Variants in PTPRD observed in about 807,000 individuals in gnomAD.
The protein encoded by PTPRD is protein tyrosine phosphatase receptor type D.
PTPRD carries 34 observed loss-of-function variants against 214.5 expected under a neutral mutation model. The ratio of observed to expected loss-of-function variants is 0.16; its 90% CI spans 0.12 to 0.21. PTPRD has a LOEUF of 0.21. Ranked by LOEUF, PTPRD falls within the 10% of genes least tolerant of loss-of-function variation. The pLI is 1.00. For synonymous variants in PTPRD, 1,128 were observed against 845.7 expected, an observed-to-expected ratio of 1.33 and a Z score of -5.79; for missense variants, 2,545 against 2,398.7, an observed-to-expected ratio of 1.06 and a Z score of -1.27.
chr9:9,980,364 T>C (rs991708820), intron 4 of PTPRD, among the ~76,000 whole-genome samples: 3 of 151,632 alleles, frequency 2.0e-5, no homozygotes, highest in Admixed American at 6.6e-5. Context: ...ATCCCAGGAA[T>C]TGGGAGGCCG....
At chr9:9,819,288 C>G (rs929059343) in intron 5 of PTPRD, among the ~76,000 whole-genome samples, 7 of 152,094 alleles carry the variant, frequency 4.6e-5, no homozygotes, top group Admixed American at 4.6e-4. Flanking sequence ...TATTACAGGT[C>G]TCTATAACTA....
rs539715449 is a variant in PTPRD, at chr9:9,460,165, C to T, written c.-236-62683G>A. On this transcript the variant is annotated intron_variant, in intron 8 of 45. Transcript: ENST00000381196. The stretch of plus-strand genomic sequence containing the variant: ...TATATGAAGAAAAGTGAAATGACCC[C>T]TATTTCTCACGATATAAAAACTAGC... 5.3e-5 allele frequency among the ~76,000 whole-genome samples: 8 copies of T among 152,052 alleles called. No homozygotes were observed. The East Asian group carries it at 1.4e-3, about 26-fold the overall frequency.
intron 30 of PTPRD, among the ~76,000 whole-genome samples, chr9:8,476,111 T>G (rs2096758976): frequency 6.6e-6 from 1 of 151,670 alleles, no homozygotes; most frequent in Non-Finnish European, 1.5e-5. Flanking sequence ...CCTAGTCCAG[T>G]GGTTCCGAGC....
chr9:9,232,164 C>G (rs962121196), intron 9 of PTPRD, among the ~76,000 whole-genome samples: 2 of 152,126 alleles, frequency 1.3e-5, no homozygotes, highest in Non-Finnish European at 2.9e-5. Context: ...AAACTAAATT[C>G]TTTAGCACTT....
At chr9:10,354,795 T>C (rs1421629678) in intron 2 of PTPRD, among the ~76,000 whole-genome samples, 1 of 152,182 alleles carries the variant, frequency 6.6e-6, no homozygotes, top group African/African-American at 2.4e-5. Context: ...GGGAAATGCA[T>C]CTGACAGTTC....
intron 14 of PTPRD, among the ~76,000 whole-genome samples, chr9:8,600,167 C>A (rs1002238387): frequency 6.6e-6 from 1 of 152,146 alleles, no homozygotes; most frequent in Non-Finnish European, 1.5e-5. Flanking sequence ...GAAAGCAGAA[C>A]CAGGCTGTAT....
chr9:10,189,821 G>T (rs537515794), intron 3 of PTPRD, among the ~76,000 whole-genome samples: 1 of 152,124 alleles, frequency 6.6e-6, no homozygotes, highest in East Asian at 1.9e-4. Flanking sequence ...CTCAAAGAAG[G>T]AGTAGGAGTT....
intron 35 of PTPRD, among the ~76,000 whole-genome samples, chr9:8,432,911 G>C (rs2095148573): frequency 6.6e-6 from 1 of 152,324 alleles, no homozygotes; most frequent in East Asian, 1.9e-4. Flanking sequence ...GCTGTGCATA[G>C]CAGCATTGCC....
chr9:8,561,057 C>A (rs2086073476), intron 14 of PTPRD, among the ~76,000 whole-genome samples: 1 of 152,100 alleles, frequency 6.6e-6, no homozygotes, highest in South Asian at 2.1e-4. Context: ...AGCCTGAAAG[C>A]CAAGCTAAAA....
At chr9:9,736,450 G>A (rs1596344060) in intron 6 of PTPRD, among the ~76,000 whole-genome samples, 1 of 152,076 alleles carries the variant, frequency 6.6e-6, no homozygotes, top group East Asian at 1.9e-4. Context: ...CAGATATGTG[G>A]ATTGTTTCCA....
intron 2 of PTPRD, among the ~76,000 whole-genome samples, chr9:10,541,596 CATT>C (rs1400357128): frequency 6.6e-6 from 1 of 151,428 alleles, no homozygotes; most frequent in Non-Finnish European, 1.5e-5. Context: ...AGTTAGTTAC[CATT>C]ATTACATATT....
At chr9:8,718,191 G>C (rs2098456492) in intron 12 of PTPRD, among the ~76,000 whole-genome samples, 1 of 152,140 alleles carries the variant, frequency 6.6e-6, no homozygotes, top group Non-Finnish European at 1.5e-5. Flanking sequence ...ATTTGTCAAA[G>C]CTTTCTTCAG....
intron 10 of PTPRD, among the ~76,000 whole-genome samples, chr9:9,053,906 A>G (rs938426675): frequency 6.6e-5 from 10 of 152,204 alleles, no homozygotes; most frequent in Non-Finnish European, 1.5e-4. Flanking sequence ...CAATTTTCAA[A>G]AAGAACATGA....
intron 39 of PTPRD, among the ~76,000 whole-genome samples, chr9:8,364,414 T>C (rs1237646075): frequency 1.3e-5 from 2 of 152,216 alleles, no homozygotes; most frequent in African/African-American, 4.8e-5. Context: ...CTTCCTACTT[T>C]ATCGAATAGA....
chr9:8,766,579 A>G (rs1166778274), intron 11 of PTPRD, among the ~76,000 whole-genome samples: 1 of 152,206 alleles, frequency 6.6e-6, no homozygotes, highest in Admixed American at 6.5e-5. Context: ...ACTGCAGCAC[A>G]AAAGCACTCA....
intron 10 of PTPRD, among the ~76,000 whole-genome samples, chr9:9,041,763 C>T (rs1266063497): frequency 6.6e-6 from 1 of 152,134 alleles, no homozygotes; most frequent in Non-Finnish European, 1.5e-5. Context: ...AAATGGAGTA[C>T]ATAAATCTTA....
intron 9 of PTPRD, among the ~76,000 whole-genome samples, chr9:9,354,351 A>G (rs771313407): frequency 1.3e-5 from 2 of 151,856 alleles, no homozygotes; most frequent in Non-Finnish European, 2.9e-5. Flanking sequence ...ACTAAAATAC[A>G]TCTCAGTTCA....
chr9:9,335,974 AAAAG>A (rs1202663122), intron 9 of PTPRD, among the ~76,000 whole-genome samples: 2 of 152,132 alleles, frequency 1.3e-5, no homozygotes, highest in African/African-American at 2.4e-5. Context: ...TAACTTTCAA[AAAAG>A]AAAGAAAGAA....
rs1233091689 is a variant in PTPRD at position 8,919,926 on chromosome 9, G to A, written c.-104+98771C>T. ...CATGTATGCATAAGTGGATGCATGT[G>A]CATGCATGTATGCATGTACACATGT... is the stretch of plus-strand genomic sequence containing the variant. On this transcript the variant is annotated intron_variant, in intron 11 of 45. Coordinates refer to ENST00000381196, the MANE Select transcript of PTPRD (RefSeq NM_002839.4). Among the ~76,000 whole-genome samples the A allele has an allele frequency of 2.4e-5, 3 of 126,852 alleles. No homozygotes were observed. In the East Asian group the frequency reaches 7.8e-4, roughly 33 times the overall value. 83.2% of individuals were successfully genotyped at this position (126,852 alleles called of 152,430 possible).
Sources: allele counts gnomAD v4.1 joint callset (sites outside exome capture counted in the v4.1 genomes callset), GRCh38; gene constraint gnomAD v4.1.1; transcripts MANE v1.5; gene names NCBI Gene and HGNC (gene_info 2026-07-23, HGNC 2026-07-21).